CTDP1: variants seen among roughly 807,000 people sequenced by gnomAD.
CTDP1 encodes CTD phosphatase 1.
CTDP1 carries 47 observed loss-of-function variants against 91.8 expected under a neutral mutation model. That is an observed-to-expected ratio of 0.51 (90% confidence interval 0.41 to 0.65). CTDP1 has a LOEUF of 0.65. CTDP1 is among the 30% of genes least tolerant of loss of function. The pLI, the probability that CTDP1 is intolerant of heterozygous loss-of-function variation, is 0.00. For missense variants in CTDP1, 1,272 were observed against 1,373.7 expected (o/e 0.93, Z 1.17); for synonymous variants, 656 against 598.5 (o/e 1.10, Z -1.40).
chr18:79,738,876 G>A (rs1333821300), intron 12 of CTDP1, among the ~76,000 whole-genome samples: 1 of 152,246 alleles, frequency 6.6e-6, no homozygotes, highest in Non-Finnish European at 1.5e-5. Flanking sequence ...AGTTGTTTTA[G>A]GAGAGATTTT....
intron 11 of CTDP1, among the ~76,000 whole-genome samples, chr18:79,734,171 G>A (rs1463461067): frequency 6.6e-6 from 1 of 152,210 alleles, no homozygotes; most frequent in African/African-American, 2.4e-5. Flanking sequence ...CTTTGCCAGC[G>A]ATGGGGTAAT....
upstream of CTDP1, chr18:79,678,893 G>T (rs951006676): frequency 3.4e-5 from 6 of 178,180 alleles, no homozygotes; most frequent in African/African-American, 4.8e-5. Flanking sequence ...TGCGCAGGCT[G>T]GTCTCCAACT....
At chr18:79,749,798 A>G (rs1487545403) in intron 12 of CTDP1, 1 of 152,178 alleles carries the variant, frequency 6.6e-6, no homozygotes. Flanking sequence ...CTCAAAACGG[A>G]GTGAGGTGGA....
At chr18:79,742,989 G>A (rs1293243440) in intron 12 of CTDP1, among the ~76,000 whole-genome samples, 1 of 152,186 alleles carries the variant, frequency 6.6e-6, no homozygotes, top group East Asian at 1.9e-4. Context: ...GTACCTAATT[G>A]TATTGTTGGG....
At chr18:79,716,579 G>A (rs747669581) in intron 8 of CTDP1, among the ~76,000 whole-genome samples, 1 of 152,026 alleles carries the variant, frequency 6.6e-6, no homozygotes, top group Non-Finnish European at 1.5e-5. Flanking sequence ...CCAGGCCGGG[G>A]TCCTCCTTGG....
chr18:79,722,854 G>T (rs1236327020), intron 10 of CTDP1, among the ~76,000 whole-genome samples: 2 of 152,200 alleles, frequency 1.3e-5, no homozygotes, highest in East Asian at 3.9e-4. Flanking sequence ...TTCGTGCTGC[G>T]GTGAGGACCT....
chr18:79,724,632 G>A (rs1467406016), intron 10 of CTDP1, among the ~76,000 whole-genome samples: 5 of 152,180 alleles, frequency 3.3e-5, no homozygotes, highest in Non-Finnish European at 1.5e-5. Flanking sequence ...TCAGCAACTT[G>A]AGTTTTCATC....
At chr18:79,715,571 G>T in intron 8 of CTDP1, 43 bp downstream of exon 8, 1 of 1,521,186 alleles carries the variant, frequency 6.6e-7, no homozygotes, top group Non-Finnish European at 8.8e-7. Flanking sequence ...TCAGGCCCGC[G>T]GGCTCCTTGC....
intron 5 of CTDP1, among the ~76,000 whole-genome samples, chr18:79,708,454 C>T (rs2086012492): frequency 6.6e-6 from 1 of 152,208 alleles, no homozygotes; most frequent in African/African-American, 2.4e-5. Flanking sequence ...GCAGTCAGGG[C>T]ACGTTCAGAT....
chr18:79,692,778 T>C (rs2085651873), intron 1 of CTDP1, among the ~76,000 whole-genome samples: 1 of 151,778 alleles, frequency 6.6e-6, no homozygotes, highest in Admixed American at 6.6e-5. Context: ...GGGGGTAGAA[T>C]GAGGAGCCTG....
At chr18:79,697,640 C>CA (rs972629461) in intron 3 of CTDP1, among the ~76,000 whole-genome samples, 2 of 152,188 alleles carry the variant, frequency 1.3e-5, no homozygotes, top group Non-Finnish European at 2.9e-5. Context: ...TTCATTGGCT[C>CA]ATGTATTTAA....
chr18:79,740,992 CGGTTG>C (rs1568216361), intron 12 of CTDP1, among the ~76,000 whole-genome samples: 10 of 151,850 alleles, frequency 6.6e-5, no homozygotes, highest in Non-Finnish European at 1.5e-4. Context: ...GTCCCCCGTG[CGGTTG>C]ATCTGTCCCT....
Position 79,736,516 on chromosome 18 carries a change from G to C in CTDP1, c.2742G>C (p.Gly914=), listed in dbSNP as rs145979721. 1 of 1,543,122 alleles carries C rather than the reference G, an allele frequency of 6.5e-7. No individual in the cohort carries two copies. The highest frequency in any genetic ancestry group is 8.7e-7 in the Non-Finnish European group (1 of 1,143,346). Residue 914 remains glycine, a synonymous_variant, in exon 12 of 13, where the codon GGG becomes GGC. Transcript: ENST00000613122. The part of the protein sequence containing the change: ...SSERSAAGGR[G]PRGHKRKLNE... ...AGAGGAGCGCGGCAGGGGGCCGGGGGCCCAGGTGAGTGCGGGGTCTGAGGT... is the reference window on the plus strand; with the variant it reads ...AGAGGAGCGCGGCAGGGGGCCGGGGCCCCAGGTGAGTGCGGGGTCTGAGGT...
At chr18:79,699,964 C>T (rs374999672) in intron 4 of CTDP1, among the ~76,000 whole-genome samples, 1 of 152,134 alleles carries the variant, frequency 6.6e-6, no homozygotes, top group Non-Finnish European at 1.5e-5. Context: ...AGTGTTCTGT[C>T]AGCTATAGGG....
chr18:79,702,756 G>T (rs1319417373), intron 4 of CTDP1: 5 of 152,234 alleles, frequency 3.3e-5, no homozygotes, highest in Admixed American at 6.5e-5. Context: ...TTAATAAGCT[G>T]CAGTAGAGTG....
At position 79,713,169 on chromosome 18, in the gene CTDP1, G is replaced by T. The variant is rs749224026; in HGVS notation, c.1030+31G>T. 2.4e-5 allele frequency: 38 copies of T among 1,605,930 alleles called. No homozygotes were observed. The highest frequency in any genetic ancestry group is 3.0e-5 in the Non-Finnish European group (35 of 1,174,176). ...TAACCTCCTTCCTGATTCTCTAGAA[G>T]AATTCACATTTGCTTATTGTTTAGC... On this transcript the variant is annotated intron_variant, in intron 7 of 12. Coordinates refer to ENST00000613122, the MANE Select transcript of CTDP1 (RefSeq NM_004715.5). This position sits in a 1 kb window ranked among gnomAD's most constrained non-coding sequence, Gnocchi z 4.7.
intron 12 of CTDP1, among the ~76,000 whole-genome samples, chr18:79,738,009 C>T (rs1450728839): frequency 1.4e-5 from 2 of 143,404 alleles, no homozygotes; most frequent in Non-Finnish European, 1.5e-5. Flanking sequence ...CGGCCTCCCC[C>T]GCAGGTCCCC....
chr18:79,698,378 G>A (rs2085789765), intron 4 of CTDP1, among the ~76,000 whole-genome samples: 1 of 152,166 alleles, frequency 6.6e-6, no homozygotes, highest in Non-Finnish European at 1.5e-5. Context: ...TATGTTGCTA[G>A]GATGTCAAGG....
chr18:79,717,768 C>G (rs773005540), intron 9 of CTDP1, 42 bp from the exon 10 acceptor site: 1 of 1,613,692 alleles, frequency 6.2e-7, no homozygotes, highest in Non-Finnish European at 8.5e-7. Flanking sequence ...CCCTCATCAC[C>G]CGGACGCCCC....
Sources: gnomAD v4.1 joint callset for allele counts (sites outside exome capture counted in the v4.1 genomes callset) on GRCh38, gnomAD v4.1.1 for gene constraint, Gnocchi (gnomAD v3.1) non-coding constraint, MANE v1.5 for transcripts, NCBI Gene and HGNC (gene_info 2026-07-23, HGNC 2026-07-21) for gene names.